GLYATL1: variants seen among roughly 807,000 people sequenced by gnomAD.
GLYATL1 encodes the protein glycine-N-acyltransferase like 1, also known as glycine N-acyltransferase-like protein 1.
In GLYATL1, 15 loss-of-function variants were observed where a neutral mutation model predicts 20.0. The observed-to-expected ratio is 0.75, with a 90% confidence interval of 0.50 to 1.15. The LOEUF is 1.15. Among genes scored for constraint, GLYATL1 ranks in the 50% most tolerant of loss-of-function variants. GLYATL1 has a pLI of 0.00. For synonymous variants in GLYATL1, 151 were observed against 131.5 expected (o/e 1.15, Z -1.01); for missense variants, 380 against 368.5 (o/e 1.03, Z -0.26).
At chr11:58,927,281 G>T (rs1301364398), upstream of GLYATL1, among the ~76,000 whole-genome samples, 1 of 152,228 alleles carries the variant, frequency 6.6e-6, no homozygotes, top group South Asian at 2.1e-4. Context: ...TATCTGAAAA[G>T]AGGTTTTTCA....
At chr11:58,940,870 G>T (rs1856090504) in intron 1 of GLYATL1, among the ~76,000 whole-genome samples, 1 of 152,160 alleles carries the variant, frequency 6.6e-6, no homozygotes, top group African/African-American at 2.4e-5. Context: ...AGGAGACTGA[G>T]ATTGGAGGAT....
At position 58,956,171 on chromosome 11, in the gene GLYATL1, AAGACAC is replaced by A; in HGVS notation, c.*147_*152del. 2.7e-6 allele frequency: 2 copies of A among 729,118 alleles called. No individual in the cohort carries two copies. The highest frequency in any genetic ancestry group is 4.5e-6 in the Non-Finnish European group (2 of 448,648). 45.2% of individuals were successfully genotyped at this position (729,118 alleles called of 1,614,324 possible). On this transcript the variant is annotated 3_prime_UTR_variant, in exon 7 of 7. Transcript: ENST00000532726. ...TTCTCACCTGGAGCCTTGATGTTAA[AAGACAC>A]AGCCATGCTCTTGAGGAGCTTACAA... is the stretch of plus-strand genomic sequence containing the variant.
chr11:58,932,965 G>A (rs1855668464), intron 1 of GLYATL1, among the ~76,000 whole-genome samples: 2 of 152,108 alleles, frequency 1.3e-5, no homozygotes, highest in African/African-American at 4.8e-5. Context: ...TGAAATATTG[G>A]CTGTCATAAA....
At chr11:58,918,461 G>T (rs1285379787) in intron 1 of GLYATL1, among the ~76,000 whole-genome samples, 1 of 152,146 alleles carries the variant, frequency 6.6e-6, no homozygotes, top group African/African-American at 2.4e-5. Context: ...AGTAAGTATG[G>T]TATAGTAAAG....
At chr11:58,940,274 G>A (rs553274336) in intron 1 of GLYATL1, among the ~76,000 whole-genome samples, 4 of 152,284 alleles carry the variant, frequency 2.6e-5, no homozygotes, top group East Asian at 1.9e-4. Context: ...AAACTGCCAC[G>A]GAAACTGTTT....
At chr11:58,908,728 A>G (rs1446235356), downstream of GLYATL1, 1 of 152,238 alleles carries the variant, frequency 6.6e-6, no homozygotes, top group African/African-American at 2.4e-5. Context: ...ATAGGGTATG[A>G]GTTAACAATG....
At chr11:58,914,949 C>T (rs868509731) in intron 1 of GLYATL1, among the ~76,000 whole-genome samples, 3 of 152,142 alleles carry the variant, frequency 2.0e-5, no homozygotes, top group South Asian at 2.1e-4. Flanking sequence ...ATTCCAGCTG[C>T]GCCCCAAGGC....
Position 58,947,876 on chromosome 11 carries a change from C to T in GLYATL1, c.97C>T (p.His33Tyr). ...ESLKVYGSVY[H>Y]INHGNPFNME... Reference sequence around the variant, plus strand: ...CCTTCAGGTGTATGGCTCTGTGTATCACATCAATCACGGGAACCCCTTCAA... The same window carrying T: ...CCTTCAGGTGTATGGCTCTGTGTATTACATCAATCACGGGAACCCCTTCAA... The change falls in exon 4 of 7, where the codon CAC (histidine) becomes TAC (tyrosine). Residue 33 changes from histidine (H) to tyrosine (Y), a missense_variant. His to Tyr is a moderately conservative substitution (Grantham distance 83). Transcript: ENST00000532726. The T allele has an allele frequency of 6.2e-7, 1 of 1,612,984 alleles. No homozygotes were observed. Among genetic ancestry groups the T allele is most frequent in the Non-Finnish European group, 8.5e-7 (1 of 1,178,968 alleles).
rs1242111088 is a variant in GLYATL1 at position 58,955,955 on chromosome 11, G to T, written c.837G>T (p.Gln279His). 12 of 1,614,058 alleles carry T rather than the reference G, an allele frequency of 7.4e-6. No individual in the cohort carries two copies. Among genetic ancestry groups the T allele is most frequent in the Non-Finnish European group, 9.3e-6 (11 of 1,179,992 alleles). ...ENEDSRRFVG[Q>H]FGFFEASCEW... Reference sequence around the variant, plus strand: ...AAGACTCCCGCAGATTTGTGGGGCAGTTTGGTTTCTTTGAGGCCTCCTGTG... The same window carrying T: ...AAGACTCCCGCAGATTTGTGGGGCATTTTGGTTTCTTTGAGGCCTCCTGTG... Residue 279 changes from glutamine to histidine, a missense_variant, in exon 7 of 7, where the codon CAG becomes CAT. Gln to His is a conservative substitution (Grantham distance 24). Coordinates refer to ENST00000532726, the MANE Select transcript of GLYATL1 (RefSeq NM_001389712.2).
chr11:58,942,402 C>T (rs1375934307), intron 1 of GLYATL1: 1 of 152,168 alleles, frequency 6.6e-6, no homozygotes, highest in Non-Finnish European at 1.5e-5. Flanking sequence ...TGTCTCTGCT[C>T]ATAAGACATA....
At chr11:58,951,666 G>A (rs1857007267) in intron 4 of GLYATL1, among the ~76,000 whole-genome samples, 1 of 151,770 alleles carries the variant, frequency 6.6e-6, no homozygotes, top group African/African-American at 2.4e-5. Context: ...CTTTTTTTCA[G>A]TTTGCATTCT....
At position 58,906,922 on chromosome 11, in the gene GLYATL1, C is replaced by A. The variant is rs376037192; in HGVS notation, n.239-319C>A. ...AAAAGTGCAGATTCCATAGCTACAC[C>A]CCGACATACTGAATCAGAGTCTGTG... On this transcript the variant is annotated intron_variant and non_coding_transcript_variant, in intron 1 of 1. Transcript: ENST00000524629. 3.9e-5 allele frequency among the ~76,000 whole-genome samples: 6 copies of A among 152,182 alleles called. No homozygotes were observed. The South Asian group carries it at 6.2e-4, about 16-fold the overall frequency.
Position 58,955,330 on chromosome 11 carries a change from C to A in GLYATL1, c.468C>A (p.Gly156=). ...AGCTTGGAAGCTGGGCTGAGACAGG[C>A]CACCCAGATGATGAATTTGAAAGGT... ...KSKLGSWAET[G]HPDDEFESET... is the part of the protein sequence containing the mutation. The change falls in exon 6 of 7, where the codon GGC becomes GGA. Residue 156 remains glycine (G), a synonymous_variant. Transcript: ENST00000532726. 1 of 1,613,344 alleles carries A rather than the reference C, an allele frequency of 6.2e-7. No homozygotes were observed. Among genetic ancestry groups the A allele is most frequent in the Non-Finnish European group, 8.5e-7 (1 of 1,179,694 alleles).
chr11:58,927,764 T>G (rs1473846914), exon 1 of GLYATL1: 2 of 152,242 alleles, frequency 1.3e-5, no homozygotes, highest in Non-Finnish European at 2.9e-5. Context: ...TCAGCCTGCT[T>G]AAGACGGGAA....
intron 1 of GLYATL1, among the ~76,000 whole-genome samples, chr11:58,913,791 GT>G (rs1383795826): frequency 6.6e-6 from 1 of 152,188 alleles, no homozygotes; most frequent in Non-Finnish European, 1.5e-5. Context: ...GAGTGAGCAG[GT>G]GAGTCTTAGA....
chr11:58,909,564 A>G (rs1361197689), downstream of GLYATL1, among the ~76,000 whole-genome samples: 1 of 152,232 alleles, frequency 6.6e-6, no homozygotes, highest in Non-Finnish European at 1.5e-5. Context: ...TTCTTTTAAA[A>G]GAATGAATAA....
At chr11:58,948,252 T>A (rs1856725241) in intron 4 of GLYATL1, among the ~76,000 whole-genome samples, 1 of 152,106 alleles carries the variant, frequency 6.6e-6, no homozygotes, top group African/African-American at 2.4e-5. Flanking sequence ...CTGCAGGGGC[T>A]GAAAGGAGGC....
chr11:58,933,951 G>A (rs1590782135), intron 1 of GLYATL1: 3 of 152,498 alleles, frequency 2.0e-5, no homozygotes, highest in Admixed American at 6.5e-5. Flanking sequence ...TTGGGTATGT[G>A]GGGATGAACG....
At chr11:58,925,080 AG>A (rs1340686999), upstream of GLYATL1, among the ~76,000 whole-genome samples, 1 of 152,016 alleles carries the variant, frequency 6.6e-6, no homozygotes, top group Non-Finnish European at 1.5e-5. Flanking sequence ...GGCTGGCTTG[AG>A]TTTTTTTTCT....
Sources: allele counts gnomAD v4.1 joint callset (sites outside exome capture counted in the v4.1 genomes callset), GRCh38; gene constraint gnomAD v4.1.1; transcripts MANE v1.5; gene names NCBI Gene and HGNC (gene_info 2026-07-23, HGNC 2026-07-21).